PCDH7: variants seen among roughly 807,000 people sequenced by gnomAD.
PCDH7 encodes the protein protocadherin-7.
In PCDH7, 17 loss-of-function variants were observed where a neutral mutation model predicts 58.9. The observed-to-expected ratio is 0.29, with a 90% CI of 0.20 to 0.43. The LOEUF (loss-of-function observed/expected upper bound fraction) is 0.43. Among genes scored for constraint, PCDH7 ranks in the 20% least tolerant of loss-of-function variants. The pLI, the probability that PCDH7 is intolerant of heterozygous loss-of-function variation, is 1.00. For synonymous variants in PCDH7, 664 were observed against 616.4 expected (o/e 1.08, Z -1.14); for missense variants, 1,274 against 1,441.0 (o/e 0.88, Z 1.88).
chr4:30,744,777 A>G (rs990867652), intron 1 of PCDH7, among the ~76,000 whole-genome samples: 1 of 152,182 alleles, frequency 6.6e-6, no homozygotes, highest in Non-Finnish European at 1.5e-5. Flanking sequence ...ATTTTTCTTC[A>G]CATTCCTCCT....
chr4:30,883,428 G>A (rs1309587517), intron 1 of PCDH7, among the ~76,000 whole-genome samples: 2 of 151,774 alleles, frequency 1.3e-5, no homozygotes, highest in African/African-American at 2.4e-5. Flanking sequence ...TGACCTCAGT[G>A]GTTCAGTGAA....
chr4:31,076,329 A>T (rs1177798600), intron 3 of PCDH7, among the ~76,000 whole-genome samples: 1 of 152,228 alleles, frequency 6.6e-6, no homozygotes, highest in Admixed American at 6.5e-5. Context: ...ATTTTAATTC[A>T]TGCTTTATTT....
At chr4:30,809,901 C>CTT (rs1726758449) in intron 1 of PCDH7, among the ~76,000 whole-genome samples, 1 of 152,168 alleles carries the variant, frequency 6.6e-6, no homozygotes, top group Non-Finnish European at 1.5e-5. Context: ...GATGCCATGT[C>CTT]ACTCTTACTT....
chr4:30,889,940 T>C (rs1044922069), intron 1 of PCDH7, among the ~76,000 whole-genome samples: 1 of 152,184 alleles, frequency 6.6e-6, no homozygotes, highest in African/African-American at 2.4e-5. Context: ...ATGAAAAGTC[T>C]TTGTAGGCAG....
At chr4:30,838,778 G>T (rs964271523) in intron 1 of PCDH7, among the ~76,000 whole-genome samples, 3 of 152,112 alleles carry the variant, frequency 2.0e-5, no homozygotes, top group Non-Finnish European at 2.9e-5. Context: ...AGGGAAAATA[G>T]TTCAACTGAG....
chr4:30,866,835 A>T (rs1344956086), intron 1 of PCDH7, among the ~76,000 whole-genome samples: 1 of 152,142 alleles, frequency 6.6e-6, no homozygotes, highest in African/African-American at 2.4e-5. Context: ...TTCTGCAGCC[A>T]TTAAAGAAGT....
intron 1 of PCDH7, among the ~76,000 whole-genome samples, chr4:30,902,092 G>A (rs531921802): frequency 1.3e-5 from 2 of 152,146 alleles, no homozygotes; most frequent in Admixed American, 6.5e-5. Flanking sequence ...TGTGACAAAC[G>A]ATAAGTATTA....
chr4:31,060,217 C>T (rs1333219922), intron 3 of PCDH7, among the ~76,000 whole-genome samples: 1 of 151,682 alleles, frequency 6.6e-6, no homozygotes, highest in Non-Finnish European at 1.5e-5. Flanking sequence ...ACATTGTCCC[C>T]AATCTTGGTT....
At chr4:31,130,572 T>G (rs1050178942) in intron 3 of PCDH7, among the ~76,000 whole-genome samples, 47 of 152,124 alleles carry the variant, frequency 3.1e-4, no homozygotes, top group African/African-American at 1.1e-3. Flanking sequence ...AAACTTAGAG[T>G]CTTAAGGCAA....
In PCDH7 at chr4:31,097,635, T is replaced by TAAA. The variant is rs1366554438; in HGVS notation, c.*8-44837_*8-44836insAAA. Among the ~76,000 whole-genome samples the TAAA allele has an allele frequency of 5.3e-3, 240 of 45,688 alleles. 32 individuals carry two copies. The highest frequency in any genetic ancestry group is 0.022 in the African/African-American group (185 of 8,414). 30.0% of individuals were successfully genotyped at this position (45,688 alleles called of 152,430 possible). ...ATATATATATATATATATATATATA[T>TAAA]ATAAATCTTTTTTCTGTAATTTCTG... On this transcript the variant is annotated intron_variant, in intron 3 of 3. Coordinates refer to the PCDH7 transcript ENST00000509759.
chr4:30,899,183 G>T (rs150895112), intron 1 of PCDH7, among the ~76,000 whole-genome samples: 1 of 152,020 alleles, frequency 6.6e-6, no homozygotes, highest in African/African-American at 2.4e-5. Flanking sequence ...GTTTTTTTAC[G>T]CTACAGATTT....
At chr4:31,055,817 TC>T (rs1337652611) in intron 3 of PCDH7, among the ~76,000 whole-genome samples, 3 of 151,994 alleles carry the variant, frequency 2.0e-5, no homozygotes, top group African/African-American at 7.2e-5. Context: ...CCTCAAATGA[TC>T]CACCCACCTC....
At chr4:31,021,089 A>T (rs1309888712) in intron 3 of PCDH7, among the ~76,000 whole-genome samples, 1 of 152,246 alleles carries the variant, frequency 6.6e-6, no homozygotes, top group Admixed American at 6.5e-5. Flanking sequence ...ATACATGTTT[A>T]ATCAGTTTAT....
rs751561555 is a variant in PCDH7 at position 31,093,808 on chromosome 4, T to C, written c.*8-48665T>C. Among the ~76,000 whole-genome samples the C allele has an allele frequency of 6.6e-5, 10 of 152,064 alleles. No individual in the cohort carries two copies. The South Asian group carries it at 1.0e-3, about 16-fold the overall frequency. ...CGTCACTTCTTTCCTCTATCTTTTT[T>C]TGAGGATTAAGTGAAATTAAATATG... On this transcript the variant is annotated intron_variant, in intron 3 of 3. Transcript: ENST00000509759.
intron 1 of PCDH7, among the ~76,000 whole-genome samples, chr4:30,899,707 A>C (rs1310271772): frequency 1.3e-5 from 2 of 151,876 alleles, no homozygotes; most frequent in African/African-American, 4.8e-5. Flanking sequence ...CCACTTGACT[A>C]TGACACTAAT....
At chr4:30,941,831 T>G (rs1376554262) in intron 2 of PCDH7, among the ~76,000 whole-genome samples, 1 of 151,840 alleles carries the variant, frequency 6.6e-6, no homozygotes, top group African/African-American at 2.4e-5. Flanking sequence ...CTAGGTGGAG[T>G]TAGAAACCTG....
At chr4:30,907,251 A>T (rs1436525113) in intron 1 of PCDH7, among the ~76,000 whole-genome samples, 1 of 152,126 alleles carries the variant, frequency 6.6e-6, no homozygotes, top group Non-Finnish European at 1.5e-5. Context: ...GCCAAAATAG[A>T]CAAATGGGAT....
chr4:31,114,943 T>C (rs1047909242), intron 3 of PCDH7, among the ~76,000 whole-genome samples: 1 of 152,202 alleles, frequency 6.6e-6, no homozygotes, highest in Non-Finnish European at 1.5e-5. Flanking sequence ...TGCTTCATTC[T>C]TTTTCTCCCA....
intron 1 of PCDH7, among the ~76,000 whole-genome samples, chr4:30,883,146 C>T (rs1249812637): frequency 1.3e-5 from 2 of 152,212 alleles, no homozygotes; most frequent in Non-Finnish European, 1.5e-5. Flanking sequence ...AATCACTACA[C>T]TGACTTTTGC....
Sources: allele counts gnomAD v4.1 joint callset (sites outside exome capture counted in the v4.1 genomes callset), GRCh38; gene constraint gnomAD v4.1.1; transcripts MANE v1.5; gene names NCBI Gene and HGNC (gene_info 2026-07-23, HGNC 2026-07-21).